The following DCUN1D4 variants were observed in gnomAD, a reference collection of about 807,000 sequenced individuals.
DCUN1D4 encodes DCN1-like protein 4.
In DCUN1D4, 22 loss-of-function variants were observed where a neutral mutation model predicts 47.9. The observed-to-expected ratio is 0.46, with a 90% CI of 0.33 to 0.66. The LOEUF (loss-of-function observed/expected upper bound fraction) is 0.66, where lower values mean the gene tolerates loss of function less well. DCUN1D4 is among the 30% of genes least tolerant of loss of function. The probability of loss-of-function intolerance (pLI) is 0.02; values close to 1 mark genes in which losing one functional copy is unlikely to be tolerated. For synonymous variants in DCUN1D4, 121 were observed against 112.2 expected (o/e 1.08, Z -0.50); for missense variants, 301 against 340.8 (o/e 0.88, Z 0.92).
chr4:51,889,294 A>G (rs1730053967), intron 6 of DCUN1D4, among the ~76,000 whole-genome samples: 1 of 152,214 alleles, frequency 6.6e-6, no homozygotes, highest in Admixed American at 6.5e-5. Context: ...TTGTAAAACA[A>G]GTGCTGAAAT....
chr4:51,859,659 A>C (rs1440959720), intron 1 of DCUN1D4, among the ~76,000 whole-genome samples: 1 of 150,734 alleles, frequency 6.6e-6, no homozygotes, highest in African/African-American at 2.4e-5. Flanking sequence ...AAAAAAAAAA[A>C]AAAAAACCCA....
chr4:51,864,600 G>A (rs1245661016), intron 3 of DCUN1D4, among the ~76,000 whole-genome samples: 1 of 152,154 alleles, frequency 6.6e-6, no homozygotes, highest in Non-Finnish European at 1.5e-5. Context: ...GTGAGGGTCT[G>A]TTCCTCACTG....
intron 4 of DCUN1D4, chr4:51,877,443 A>T (rs1727879602): frequency 5.9e-6 from 1 of 170,066 alleles, no homozygotes; most frequent in African/African-American, 2.4e-5. Context: ...TTCTTGCCAT[A>T]TCTCACCATT....
Position 51,871,416 on chromosome 4 carries a change from GA to G in DCUN1D4, c.137-2853del, listed in dbSNP as rs1482921576. ...CAAACGTTGTACAGTGTGTGTCTAG[GA>G]AGAACCAGGTGGTAGAGGAGCTAAT... On this transcript the variant is annotated intron_variant, in intron 3 of 10. Transcript: ENST00000334635. Among the ~76,000 whole-genome samples the G allele has an allele frequency of 3.9e-5, 6 of 152,334 alleles. No individual in the cohort carries two copies. The East Asian group carries it at 7.7e-4, about 20-fold the overall frequency.
intron 8 of DCUN1D4, among the ~76,000 whole-genome samples, chr4:51,900,344 T>G (rs1731914329): frequency 6.6e-6 from 1 of 152,228 alleles, no homozygotes; most frequent in Non-Finnish European, 1.5e-5. Flanking sequence ...TCTAGTTAAA[T>G]CACACCATGC....
intron 8 of DCUN1D4, among the ~76,000 whole-genome samples, chr4:51,900,780 TC>T (rs1731982051): frequency 6.6e-6 from 1 of 152,132 alleles, no homozygotes; most frequent in South Asian, 2.1e-4. Flanking sequence ...GTTTTTTTTT[TC>T]CTCCCAAAGT....
intron 1 of DCUN1D4, among the ~76,000 whole-genome samples, chr4:51,857,710 A>G (rs1464530280): frequency 1.3e-5 from 2 of 152,196 alleles, no homozygotes; most frequent in Non-Finnish European, 2.9e-5. Flanking sequence ...GATTAAATCT[A>G]AACGCTCAAG....
intron 1 of DCUN1D4, among the ~76,000 whole-genome samples, chr4:51,861,304 G>A (rs942150010): frequency 6.6e-6 from 1 of 152,106 alleles, no homozygotes; most frequent in African/African-American, 2.4e-5. Flanking sequence ...CTTGGGTGTA[G>A]GAAGGGCAGT....
intron 3 of DCUN1D4, among the ~76,000 whole-genome samples, chr4:51,870,394 A>G (rs187910159): frequency 1.3e-5 from 2 of 152,330 alleles, no homozygotes; most frequent in South Asian, 2.1e-4. Context: ...AAAAAATCCT[A>G]TCTGCCAAGA....
chr4:51,841,049 C>G (rs1167406836), upstream of DCUN1D4, among the ~76,000 whole-genome samples: 1 of 152,196 alleles, frequency 6.6e-6, no homozygotes, highest in Non-Finnish European at 1.5e-5. Flanking sequence ...TGGGGCAAAG[C>G]AGCCGACCCA....
At chr4:51,835,260 G>A in the DCUN1D4 span, among the ~76,000 whole-genome samples, 4 of 152,166 alleles carry the variant, frequency 2.6e-5, no homozygotes, top group East Asian at 3.9e-4. Flanking sequence ...CTAGCTGTGT[G>A]TCTTTGAGAA....
intron 4 of DCUN1D4, 73 bp from the exon 5 acceptor site, chr4:51,877,690 G>C: frequency 1.1e-6 from 1 of 921,194 alleles, no homozygotes; most frequent in Non-Finnish European, 1.7e-6. Flanking sequence ...TTGGGTAAAA[G>C]AATATAAATT....
At chr4:51,891,004 A>T (rs1013996472) in intron 6 of DCUN1D4, among the ~76,000 whole-genome samples, 2 of 152,238 alleles carry the variant, frequency 1.3e-5, no homozygotes, top group African/African-American at 4.8e-5. Context: ...TGATGACACC[A>T]TGCCACAGAC....
chr4:51,891,137 C>T (rs1263140814), intron 6 of DCUN1D4, among the ~76,000 whole-genome samples: 3 of 152,232 alleles, frequency 2.0e-5, no homozygotes, highest in Admixed American at 6.5e-5. Context: ...AACTTCACTG[C>T]GTGTCTCCCC....
At chr4:51,868,497 C>G (rs1341259128) in intron 3 of DCUN1D4, among the ~76,000 whole-genome samples, 1 of 152,178 alleles carries the variant, frequency 6.6e-6, no homozygotes, top group Non-Finnish European at 1.5e-5. Flanking sequence ...TTAACATTTG[C>G]CATCTGGTTA....
At chr4:51,848,886 C>A (rs1368665009) in intron 1 of DCUN1D4, among the ~76,000 whole-genome samples, 1 of 152,076 alleles carries the variant, frequency 6.6e-6, no homozygotes, top group African/African-American at 2.4e-5. Context: ...ATGAAAAAGA[C>A]CCCTGCCCTC....
chr4:51,842,000 G>C (rs1165725251), upstream of DCUN1D4, among the ~76,000 whole-genome samples: 1 of 143,516 alleles, frequency 7.0e-6, no homozygotes, highest in African/African-American at 2.6e-5. Flanking sequence ...GTTGGGGTGG[G>C]GGGAATCCTC....
intron 1 of DCUN1D4, 40 bp downstream of exon 1, chr4:51,843,307 G>A (rs1354707718): frequency 6.6e-7 from 1 of 1,504,810 alleles, no homozygotes; most frequent in Non-Finnish European, 8.9e-7. Flanking sequence ...GGGGCCGGGC[G>A]GCTGCCAAAC....
At chr4:51,912,647 T>G (rs1733874905) in intron 9 of DCUN1D4, among the ~76,000 whole-genome samples, 1 of 152,240 alleles carries the variant, frequency 6.6e-6, no homozygotes, top group Non-Finnish European at 1.5e-5. Flanking sequence ...ATTTCTCGTC[T>G]AAGAGGAATA....
Sources: gnomAD v4.1 joint callset for allele counts (sites outside exome capture counted in the v4.1 genomes callset) on GRCh38, gnomAD v4.1.1 for gene constraint, MANE v1.5 for transcripts, NCBI Gene and HGNC (gene_info 2026-07-23, HGNC 2026-07-21) for gene names.